CUX1: variants seen among roughly 807,000 people sequenced by gnomAD.
CUX1 encodes the protein cut like homeobox 1, also known as protein CASP.
A neutral mutation model predicts 158.8 loss-of-function variants in CUX1; 31 were observed. That is an observed-to-expected ratio of 0.20 (90% CI 0.15 to 0.26). The LOEUF (loss-of-function observed/expected upper bound fraction) is 0.26, where lower values mean the gene tolerates loss of function less well. CUX1 is among the 10% of genes least tolerant of loss of function. The pLI is 1.00. For synonymous variants in CUX1, 879 were observed against 862.1 expected (o/e 1.02, Z -0.34); for missense variants, 1,589 against 2,014.6 (o/e 0.79, Z 4.04).
chr7:101,841,551 T>C (rs1220278924), intron 1 of CUX1, among the ~76,000 whole-genome samples: 2 of 151,696 alleles, frequency 1.3e-5, no homozygotes, highest in Non-Finnish European at 1.5e-5. Context: ...TATTTCATTT[T>C]ATTTATTTAT....
intron 1 of CUX1, among the ~76,000 whole-genome samples, chr7:101,868,345 T>G (rs1798137888): frequency 6.6e-6 from 1 of 152,248 alleles, no homozygotes. Flanking sequence ...TTGCTGTCCC[T>G]GGCTGAGCCT....
At chr7:102,230,923 C>T (rs782731737) in intron 21 of CUX1, among the ~76,000 whole-genome samples, 11 of 152,088 alleles carry the variant, frequency 7.2e-5, no homozygotes, top group South Asian at 6.2e-4. Flanking sequence ...TGCAGTGGCA[C>T]GATCATAGCT....
chr7:101,857,765 AAT>A (rs1491570982), intron 1 of CUX1, among the ~76,000 whole-genome samples: 1 of 127,366 alleles, frequency 7.9e-6, no homozygotes, highest in Non-Finnish European at 1.6e-5. Context: ...TTTTGCAGGG[AAT>A]TTTTTTCCCC....
chr7:102,269,693 G>T (rs1004378592), intron 14 of CUX1, among the ~76,000 whole-genome samples: 5 of 151,622 alleles, frequency 3.3e-5, no homozygotes, highest in Non-Finnish European at 7.4e-5. Context: ...CAAAGTGCTG[G>T]GATTACAGGC....
At chr7:102,177,860 T>A (rs1554512448) in intron 10 of CUX1, among the ~76,000 whole-genome samples, 1 of 151,610 alleles carries the variant, frequency 6.6e-6, no homozygotes, top group South Asian at 2.1e-4. Context: ...CCTGCTGGGC[T>A]GTAAGCCCTG....
intron 2 of CUX1, among the ~76,000 whole-genome samples, chr7:102,009,135 G>T (rs960788471): frequency 5.9e-4 from 90 of 152,210 alleles, no homozygotes; most frequent in African/African-American, 1.0e-3. Context: ...GGCGCCAGCC[G>T]CACCCAGAGT....
At chr7:102,130,024 G>A (rs868929652) in intron 8 of CUX1, among the ~76,000 whole-genome samples, 4 of 152,214 alleles carry the variant, frequency 2.6e-5, no homozygotes, top group Non-Finnish European at 4.4e-5. Context: ...GAGCGAGCGA[G>A]ATAATTGAAC....
At chr7:102,066,563 C>G (rs1407516860) in intron 3 of CUX1, among the ~76,000 whole-genome samples, 1 of 152,188 alleles carries the variant, frequency 6.6e-6, no homozygotes, top group African/African-American at 2.4e-5. Context: ...CCAGGAGACG[C>G]AGCCACCCGG....
At chr7:102,189,691 C>A in intron 11 of CUX1, 122 bp from the exon 12 acceptor site, 1 of 1,029,540 alleles carries the variant, frequency 9.7e-7, no homozygotes, top group Non-Finnish European at 1.5e-6. Context: ...CCGTTGACTC[C>A]ATTCGCAAGG....
chr7:102,252,212 A>G lies in CUX1; in HGVS notation c.*3170A>G. The G allele has an allele frequency of 1.0e-5, 10 of 985,466 alleles. No homozygotes were observed. Among genetic ancestry groups the G allele is most frequent in the Non-Finnish European group, 7.2e-6 (6 of 829,958 alleles). The allele number at this position is 985,466 out of a possible 1,614,324, so 61.0% of individuals were successfully genotyped here. A position where few individuals can be genotyped will look rare whatever the true frequency, so the allele number is the denominator to read the frequency against. On this transcript the variant is annotated 3_prime_UTR_variant, in exon 24 of 24. Transcript: ENST00000292535. ...ACTTCTAAGAGCTGCCACTAAAATA[A>G]TACAGCAATCCGTGGCCAGGGGAGC...
At chr7:102,094,129 C>A (rs1380140627) in intron 4 of CUX1, among the ~76,000 whole-genome samples, 22 of 152,156 alleles carry the variant, frequency 1.4e-4, no homozygotes, top group African/African-American at 5.3e-4. Flanking sequence ...ATGCTAGAGT[C>A]ATTATATTGT....
At chr7:102,006,327 G>T (rs1817373647) in intron 2 of CUX1, among the ~76,000 whole-genome samples, 1 of 152,086 alleles carries the variant, frequency 6.6e-6, no homozygotes. Context: ...ACGCCTCAGT[G>T]CTCCCTCGAA....
intron 4 of CUX1, among the ~76,000 whole-genome samples, chr7:102,072,346 CTGAAG>C (rs1293324964): frequency 2.6e-5 from 4 of 152,118 alleles, no homozygotes; most frequent in African/African-American, 9.7e-5. Context: ...CAACCAGAGG[CTGAAG>C]TGAAGTTATA....
chr7:101,832,395 C>T (rs778368195), intron 1 of CUX1, among the ~76,000 whole-genome samples: 8 of 152,162 alleles, frequency 5.3e-5, no homozygotes, highest in African/African-American at 4.8e-5. Context: ...TGTCCCCCAC[C>T]GACATGGCAC....
At chr7:102,242,732 C>G (rs553140859) in intron 23 of CUX1, among the ~76,000 whole-genome samples, 1 of 152,356 alleles carries the variant, frequency 6.6e-6, no homozygotes, top group Admixed American at 6.5e-5. Flanking sequence ...CCCCAACAGG[C>G]CTCAGCTGCA....
chr7:102,249,460 C>T lies in CUX1; in HGVS notation c.*418C>T, dbSNP rs1428102783. On this transcript the variant is annotated 3_prime_UTR_variant, in exon 24 of 24. Coordinates refer to ENST00000292535, the MANE Select transcript of CUX1 (RefSeq NM_181552.4). ...AAGGAAGAAAACGGAAATGTGTGGTCGAGCTTTTTTGTACCCTGAAGTGTT... is the reference window on the plus strand; with the variant it reads ...AAGGAAGAAAACGGAAATGTGTGGTTGAGCTTTTTTGTACCCTGAAGTGTT... 1 of 983,756 alleles carries T rather than the reference C, an allele frequency of 1.0e-6. No homozygotes were observed. Among genetic ancestry groups the T allele is most frequent in the South Asian group, 4.7e-5 (1 of 21,294 alleles). The allele number at this position is 983,756 out of a possible 1,614,324, so 60.9% of individuals were successfully genotyped here.
At chr7:102,147,252 G>A (rs574858531) in intron 8 of CUX1, among the ~76,000 whole-genome samples, 3 of 152,236 alleles carry the variant, frequency 2.0e-5, no homozygotes, top group Admixed American at 6.5e-5. Flanking sequence ...GGTGGAAAAC[G>A]AAAGATAGGG....
intron 5 of CUX1, among the ~76,000 whole-genome samples, chr7:102,103,469 C>G (rs1480154329): frequency 2.0e-5 from 3 of 152,000 alleles, no homozygotes; most frequent in African/African-American, 7.2e-5. Flanking sequence ...CACACTCTGT[C>G]ACCCAGGTTG....
intron 23 of CUX1, among the ~76,000 whole-genome samples, chr7:102,247,625 A>T (rs1028493537): frequency 2.0e-4 from 31 of 152,134 alleles, no homozygotes; most frequent in African/African-American, 6.5e-4. Context: ...GGAGCTCAAG[A>T]CTAGCCTGGG....
Sources: allele counts gnomAD v4.1 joint callset (sites outside exome capture counted in the v4.1 genomes callset), GRCh38; gene constraint gnomAD v4.1.1; transcripts MANE v1.5; gene names NCBI Gene and HGNC (gene_info 2026-07-23, HGNC 2026-07-21).